The following HELQ variants were observed in gnomAD, a reference collection of about 807,000 sequenced individuals.
The protein encoded by HELQ is helicase POLQ-like.
A neutral mutation model predicts 111.6 loss-of-function variants in HELQ; 77 were observed. The ratio of observed to expected loss-of-function variants is 0.69; its 90% CI spans 0.57 to 0.83. HELQ has a LOEUF of 0.83. Among genes scored for constraint, HELQ ranks in the 40% least tolerant of loss-of-function variants. The pLI is 0.00. For synonymous variants in HELQ, 438 were observed against 454.7 expected (o/e 0.96, Z 0.47); for missense variants, 1,200 against 1,288.5 (o/e 0.93, Z 1.05).
intron 9 of HELQ, among the ~76,000 whole-genome samples, chr4:83,435,283 A>G (rs1200285538): frequency 6.6e-6 from 1 of 152,158 alleles, no homozygotes; most frequent in Non-Finnish European, 1.5e-5. Context: ...AATTACAACT[A>G]TTATTATACA....
chr4:83,440,092 A>T, intron 7 of HELQ, 84 bp from the exon 8 acceptor site: 1 of 992,108 alleles, frequency 1.0e-6, no homozygotes, highest in Non-Finnish European at 1.5e-6. Context: ...TTGAAAGGTA[A>T]ATAAACCATC....
intron 9 of HELQ, 116 bp downstream of exon 9, chr4:83,436,742 T>TAAA: frequency 9.1e-7 from 1 of 1,104,496 alleles, no homozygotes; most frequent in Non-Finnish European, 1.3e-6. Flanking sequence ...CAGCATATGC[T>TAAA]AAAAGAACAT....
Position 83,450,543 on chromosome 4 carries a change from G to A in HELQ, c.1013-1582C>T, listed in dbSNP as rs1042372118. On this transcript the variant is annotated intron_variant, in intron 2 of 17. Transcript: ENST00000295488. ...AAAATACTTCAGATTGGTATCACCCGAGTTATCAAATTAGATGTTTATGCC... is the reference window on the plus strand; with the variant it reads ...AAAATACTTCAGATTGGTATCACCCAAGTTATCAAATTAGATGTTTATGCC... 9.9e-5 allele frequency among the ~76,000 whole-genome samples: 15 copies of A among 151,722 alleles called. No homozygotes were observed. In the South Asian group the frequency reaches 2.9e-3, roughly 29 times the overall value.
chr4:83,427,298 A>G (rs1719897719), intron 13 of HELQ, among the ~76,000 whole-genome samples: 1 of 152,182 alleles, frequency 6.6e-6, no homozygotes, highest in African/African-American at 2.4e-5. Flanking sequence ...AAACTGAAAG[A>G]AAAAAATATC....
chr4:83,446,046 TC>T lies in HELQ; in HGVS notation c.1432del (p.Glu478LysfsTer2). ...IGEGSRGATL[E>X]MTLAKILYTS... is the part of the protein sequence containing the mutation. ...GTAGAGGATTTTTGCTAGGGTCATTTCCAGTGTAGCTCCACGGCTTCCTTCA... is the reference window on the plus strand; with the variant it reads ...GTAGAGGATTTTTGCTAGGGTCATTTCAGTGTAGCTCCACGGCTTCCTTCA... On this transcript the variant is annotated frameshift_variant, in exon 5 of 18. Transcript: ENST00000295488. LOFTEE classifies it high-confidence loss of function. 1 of 1,613,520 alleles carries T rather than the reference TC, an allele frequency of 6.2e-7. No homozygotes were observed. Among genetic ancestry groups the T allele is most frequent in the Non-Finnish European group, 8.5e-7 (1 of 1,179,532 alleles).
Position 83,407,565 on chromosome 4 carries a change from A to G in HELQ, c.3199-5T>C. ...TGCTTTTTCATGCAACAGCATCTAC[A>G]TTAAAAAATTAAGACGTGAGGCCAA... is the stretch of plus-strand genomic sequence containing the variant. On this transcript the variant is annotated splice_polypyrimidine_tract_variant and splice_region_variant and intron_variant, in intron 17 of 17. Transcript: ENST00000295488. 1.2e-6 allele frequency: 2 copies of G among 1,601,452 alleles called. No homozygotes were observed. The highest frequency in any genetic ancestry group is 1.3e-5 in the African/African-American group (1 of 74,562).
chr4:83,442,410 T>C (rs1057395049), intron 6 of HELQ, among the ~76,000 whole-genome samples: 2 of 151,672 alleles, frequency 1.3e-5, no homozygotes, highest in Non-Finnish European at 1.5e-5. Flanking sequence ...TGGGACTATA[T>C]GTGAGTGCTA....
intron 15 of HELQ, among the ~76,000 whole-genome samples, chr4:83,420,571 GGT>G: frequency 6.6e-6 from 1 of 152,136 alleles, no homozygotes; most frequent in Non-Finnish European, 1.5e-5. Context: ...GATCACTTGA[GGT>G]CCGGAGTTCG....
At position 83,432,265 on chromosome 4, in the gene HELQ, ACT is replaced by A. The variant is rs775889415; in HGVS notation, c.2049_2050del (p.Arg683SerfsTer10). 5.2e-6 allele frequency: 8 copies of A among 1,545,400 alleles called. No homozygotes were observed. The highest frequency in any genetic ancestry group is 6.1e-6 in the Non-Finnish European group (7 of 1,147,762). On this transcript the variant is annotated frameshift_variant and splice_region_variant, in exon 10 of 18. Transcript: ENST00000295488. LOFTEE classifies it high-confidence loss of function. ...AGCAACATAGGGAGCTCTTAAAATA[ACT>A]CTGTGGAATTAATGAAAAATGATAC...
In HELQ at chr4:83,431,752, G is replaced by C. The variant is rs1311676273; in HGVS notation, c.2207C>G (p.Thr736Ser). 6.6e-7 allele frequency: 1 copy of C among 1,508,346 alleles called. No homozygotes were observed. Among genetic ancestry groups the C allele is most frequent in the Non-Finnish European group, 9.0e-7 (1 of 1,116,560 alleles). 93.4% of individuals were successfully genotyped at this position (1,508,346 alleles called of 1,614,324 possible). The change falls in exon 11 of 18, where the codon ACT becomes AGT. Residue 736 changes from threonine (T) to serine (S), a missense_variant. Coordinates refer to ENST00000295488, the MANE Select transcript of HELQ (RefSeq NM_133636.5). ...KDKQQVLELI[T>S]KPLENCYSHL... The stretch of plus-strand genomic sequence containing the variant: ...GCTGTAACAGTTTTCCAATGGTTTA[G>C]TTATTAACTCCAATACCTATAAAGG...
Position 83,427,745 on chromosome 4 carries a change from A to G in HELQ, c.2519-25T>C, listed in dbSNP as rs146027826. ...CCTAAAAGAAAGATACAAATATTCAATCTTTCACAATTACCAGAGGGGCAA... is the reference window on the plus strand; with the variant it reads ...CCTAAAAGAAAGATACAAATATTCAGTCTTTCACAATTACCAGAGGGGCAA... On this transcript the variant is annotated intron_variant, in intron 12 of 17. Coordinates refer to ENST00000295488, the MANE Select transcript of HELQ (RefSeq NM_133636.5). 2.4e-4 allele frequency: 342 copies of G among 1,435,110 alleles called. 1 individual carries two copies. In the African/African-American group the frequency reaches 4.4e-3, roughly 18 times the overall value. The allele number at this position is 1,435,110 out of a possible 1,614,324, so 88.9% of individuals were successfully genotyped here. A position where few individuals can be genotyped will look rare whatever the true frequency, so the allele number is the denominator to read the frequency against.
At chr4:83,438,373 T>G (rs577685798) in intron 8 of HELQ, among the ~76,000 whole-genome samples, 1 of 152,266 alleles carries the variant, frequency 6.6e-6, no homozygotes, top group Non-Finnish European at 1.5e-5. Context: ...TACTACAAAA[T>G]TATAAGACAA....
intron 6 of HELQ, among the ~76,000 whole-genome samples, chr4:83,442,804 G>T (rs557060626): frequency 2.1e-3 from 316 of 152,040 alleles, no homozygotes; most frequent in Non-Finnish European, 3.8e-3. Flanking sequence ...CTCATGCCCC[G>T]GCCTCTTAAA....
At chr4:83,416,134 G>A (rs1739345782) in intron 17 of HELQ, among the ~76,000 whole-genome samples, 1 of 150,790 alleles carries the variant, frequency 6.6e-6, no homozygotes, top group South Asian at 2.1e-4. Flanking sequence ...TTTTAGTGGA[G>A]ATGGGGTTTC....
chr4:83,434,604 A>C (rs950691793), intron 9 of HELQ, among the ~76,000 whole-genome samples: 1 of 151,936 alleles, frequency 6.6e-6, no homozygotes, highest in Non-Finnish European at 1.5e-5. Context: ...CTGGGATCAC[A>C]AGTGTATGCC....
chr4:83,412,791 T>A (rs1439267260), intron 17 of HELQ, among the ~76,000 whole-genome samples: 8 of 152,036 alleles, frequency 5.3e-5, no homozygotes, highest in African/African-American at 1.9e-4. Flanking sequence ...GCCATTGCAC[T>A]CCAGCCTGGG....
intron 17 of HELQ, among the ~76,000 whole-genome samples, chr4:83,412,636 G>A (rs1739165060): frequency 6.6e-6 from 1 of 152,130 alleles, no homozygotes; most frequent in Non-Finnish European, 1.5e-5. Context: ...GACCAGCCTG[G>A]GCAACATAGC....
At chr4:83,455,364 A>G in intron 1 of HELQ, 33 bp downstream of exon 1, 1 of 1,598,886 alleles carries the variant, frequency 6.3e-7, no homozygotes, top group African/African-American at 1.3e-5. Context: ...GGATGCCAAA[A>G]GTTTGCAGTT....
At chr4:83,452,198 T>C (rs773697374) in intron 2 of HELQ, among the ~76,000 whole-genome samples, 7 of 152,246 alleles carry the variant, frequency 4.6e-5, no homozygotes, top group Non-Finnish European at 8.8e-5. Flanking sequence ...TGGCTTTGAA[T>C]GTGGCCCAAC....
Sources: allele counts gnomAD v4.1 joint callset (sites outside exome capture counted in the v4.1 genomes callset), GRCh38; gene constraint gnomAD v4.1.1; transcripts MANE v1.5; gene names NCBI Gene and HGNC (gene_info 2026-07-23, HGNC 2026-07-21).